TENM4: variants seen among roughly 807,000 people sequenced by gnomAD.
TENM4 encodes the protein teneurin-4.
In TENM4, 82 loss-of-function variants were observed where a neutral mutation model predicts 243.3. That is an observed-to-expected ratio of 0.34 (90% confidence interval 0.28 to 0.40). The LOEUF (loss-of-function observed/expected upper bound fraction) is 0.40. TENM4 is among the 10% of genes least tolerant of loss of function. TENM4 has a pLI of 1.00. For missense variants in TENM4, 3,138 were observed against 3,673.3 expected, an observed-to-expected ratio of 0.85 and a Z score of 3.77; for synonymous variants, 1,412 against 1,456.3, an observed-to-expected ratio of 0.97 and a Z score of 0.69.
chr11:79,307,319 G>T (rs1191081926), intron 1 of TENM4, among the ~76,000 whole-genome samples: 1 of 151,960 alleles, frequency 6.6e-6, no homozygotes. Flanking sequence ...CTCTCCAAAG[G>T]GTCCTCTTCT....
intron 27 of TENM4, among the ~76,000 whole-genome samples, chr11:78,703,863 T>G (rs1248841037): frequency 1.3e-5 from 2 of 151,758 alleles, no homozygotes; most frequent in African/African-American, 4.8e-5. Context: ...TGTATGTATG[T>G]ATGTGTATGA....
chr11:78,732,345 C>T lies in TENM4; in HGVS notation c.3109G>A (p.Glu1037Lys). ...PLTSFASSCA[E>K]KGPIVPEIQA... Reference sequence around the variant, plus strand: ...ATTTCCGGCACAATGGGGCCTTTCTCTGCACAGGAGCTGGCGAAGGACGTC... The same window carrying T: ...ATTTCCGGCACAATGGGGCCTTTCTTTGCACAGGAGCTGGCGAAGGACGTC... Residue 1037 changes from glutamate (E) to lysine (K), a missense_variant, in exon 21 of 34, where the codon GAG becomes AAG. Around this residue, in one of 2 missense-constraint regions of TENM4, gnomAD observed 2,467 missense variants for 3,059.1 expected, o/e 0.81. Coordinates refer to ENST00000278550, the MANE Select transcript of TENM4 (RefSeq NM_001098816.3). The T allele has an allele frequency of 6.2e-7, 1 of 1,611,312 alleles. No homozygotes were observed. Among genetic ancestry groups the T allele is most frequent in the Non-Finnish European group, 8.5e-7 (1 of 1,177,866 alleles).
intron 1 of TENM4, among the ~76,000 whole-genome samples, chr11:79,435,868 G>T (rs1233413067): frequency 6.6e-6 from 1 of 152,140 alleles, no homozygotes; most frequent in Non-Finnish European, 1.5e-5. Flanking sequence ...GAAATATCGG[G>T]TTATGTAACA....
chr11:78,951,994 A>C (rs904612215), intron 6 of TENM4, among the ~76,000 whole-genome samples: 6 of 152,156 alleles, frequency 3.9e-5, no homozygotes, highest in African/African-American at 1.4e-4. Context: ...ACACCTCTGT[A>C]GCCCCACACA....
intron 1 of TENM4, among the ~76,000 whole-genome samples, chr11:79,302,978 C>T (rs969840190): frequency 6.6e-6 from 1 of 152,060 alleles, no homozygotes; most frequent in African/African-American, 2.4e-5. Context: ...TTTGCTGGGG[C>T]CTATTATGGA....
intron 1 of TENM4, among the ~76,000 whole-genome samples, chr11:79,315,627 T>C (rs1039413192): frequency 3.3e-5 from 5 of 152,188 alleles, no homozygotes; most frequent in Non-Finnish European, 5.9e-5. Flanking sequence ...ACATGCAGAA[T>C]CGTGGGTCCC....
intron 1 of TENM4, among the ~76,000 whole-genome samples, chr11:79,380,157 G>A (rs1857972022): frequency 6.6e-6 from 1 of 152,128 alleles, no homozygotes; most frequent in African/African-American, 2.4e-5. Context: ...GAGGTGTGAT[G>A]GCAACATCTC....
At chr11:79,305,702 G>A (rs890594266) in intron 1 of TENM4, among the ~76,000 whole-genome samples, 1 of 152,202 alleles carries the variant, frequency 6.6e-6, no homozygotes, top group African/African-American at 2.4e-5. Context: ...CTTTTAAGCT[G>A]GGTAAAGAGA....
chr11:79,066,728 A>ATG (rs1860265329), intron 5 of TENM4, among the ~76,000 whole-genome samples: 4 of 126,474 alleles, frequency 3.2e-5, no homozygotes, highest in African/African-American at 9.2e-5. Context: ...TCGAGCACAC[A>ATG]CGCGCACGCA....
intron 1 of TENM4, among the ~76,000 whole-genome samples, chr11:79,354,113 T>C (rs1199301465): frequency 6.6e-6 from 1 of 152,224 alleles, no homozygotes; most frequent in Non-Finnish European, 1.5e-5. Context: ...GTTTATAACA[T>C]TGCCCAGATA....
Position 79,085,167 on chromosome 11 carries a change from T to C in TENM4, c.-65-15158A>G, listed in dbSNP as rs1022222652. Among the ~76,000 whole-genome samples, 10 of 151,478 alleles carry C rather than the reference T, an allele frequency of 6.6e-5. No homozygotes were observed. The East Asian group carries it at 1.6e-3, about 24-fold the overall frequency. ...GCGGGTGGATCACGAGGTCAGGAGA[T>C]CGAGACCATCCTGGCTAACATGGTG... On this transcript the variant is annotated intron_variant, in intron 4 of 33. Coordinates refer to ENST00000278550, the MANE Select transcript of TENM4 (RefSeq NM_001098816.3).
At position 78,867,496 on chromosome 11, in the gene TENM4, G is replaced by A. The variant is rs528835040; in HGVS notation, c.1085-4364C>T. Among the ~76,000 whole-genome samples, 3 of 152,206 alleles carry A rather than the reference G, an allele frequency of 2.0e-5. No homozygotes were observed. In the South Asian group the frequency reaches 6.2e-4, roughly 32 times the overall value. On this transcript the variant is annotated intron_variant, in intron 9 of 33. Coordinates refer to ENST00000278550, the MANE Select transcript of TENM4 (RefSeq NM_001098816.3). ...TTCTATAGTTCTGGGTTATGGGAGA[G>A]GGGGAGAGGGAAGGGAGAGAAGTAG...
intron 4 of TENM4, chr11:79,093,324 G>A (rs1218020144): frequency 1.3e-5 from 2 of 152,270 alleles, no homozygotes; most frequent in Non-Finnish European, 2.9e-5. Flanking sequence ...GGCTTTTGCT[G>A]ATGCCACTTG....
At chr11:79,071,422 G>A (rs1193788793) in intron 4 of TENM4, among the ~76,000 whole-genome samples, 3 of 151,936 alleles carry the variant, frequency 2.0e-5, no homozygotes, top group Admixed American at 6.6e-5. Flanking sequence ...AGCTGGGAGG[G>A]TGGGTCTGTC....
chr11:79,418,286 C>T (rs962264849), intron 1 of TENM4, among the ~76,000 whole-genome samples: 3 of 152,150 alleles, frequency 2.0e-5, no homozygotes, highest in African/African-American at 7.2e-5. Flanking sequence ...TGAAAAGCAC[C>T]TACCTAGAAT....
At chr11:78,783,890 T>C (rs942392029) in intron 16 of TENM4, among the ~76,000 whole-genome samples, 1 of 152,208 alleles carries the variant, frequency 6.6e-6, no homozygotes, top group Non-Finnish European at 1.5e-5. Flanking sequence ...AAAAGGCTCT[T>C]AACGCTGGGG....
At chr11:79,169,621 G>A (rs1182776501) in intron 3 of TENM4, among the ~76,000 whole-genome samples, 1 of 152,154 alleles carries the variant, frequency 6.6e-6, no homozygotes, top group African/African-American at 2.4e-5. Context: ...GTGTCAGACT[G>A]TGTGATGTGA....
rs949278124 is a variant in TENM4, at chr11:78,701,908, A to T, written c.4705T>A (p.Phe1569Ile). 6.2e-7 allele frequency: 1 copy of T among 1,614,006 alleles called. No individual in the cohort carries two copies. Among genetic ancestry groups the T allele is most frequent in the African/African-American group, 1.3e-5 (1 of 75,042 alleles). ...RIRFIRKNKP[F>I]LNTQNMYELS... ...TCATACATGTTCTGGGTGTTGAGGA[A>T]AGGCTTGTTCTTCCGGATAAACCGA... The change falls in exon 28 of 34, where the codon TTC becomes ATC. Residue 1569 changes from phenylalanine to isoleucine, a missense_variant. By Grantham distance (21) the Phe-to-Ile change is conservative (BLOSUM62 0). Coordinates refer to ENST00000278550, the MANE Select transcript of TENM4 (RefSeq NM_001098816.3).
At chr11:79,371,653 C>T (rs1452417789) in intron 1 of TENM4, among the ~76,000 whole-genome samples, 1 of 152,188 alleles carries the variant, frequency 6.6e-6, no homozygotes, top group Non-Finnish European at 1.5e-5. Flanking sequence ...CCCAGGTGTG[C>T]TTTCAGACAA....
Sources: allele counts gnomAD v4.1 joint callset (sites outside exome capture counted in the v4.1 genomes callset), GRCh38; gene constraint gnomAD v4.1.1; regional missense constraint gnomAD v4.1.1; transcripts MANE v1.5; gene names NCBI Gene and HGNC (gene_info 2026-07-23, HGNC 2026-07-21).